Variants in TMEM9B observed in about 807,000 individuals in gnomAD.
TMEM9B encodes transmembrane protein 9B.
Under a neutral mutation model 23.5 loss-of-function variants are expected in TMEM9B, and 8 were observed. That is an observed-to-expected ratio of 0.34 (90% CI 0.20 to 0.61). The LOEUF is 0.61. TMEM9B is among the 20% of genes least tolerant of loss of function. The pLI is 0.78. For synonymous variants in TMEM9B, 106 were observed against 96.3 expected, an observed-to-expected ratio of 1.10 and a Z score of -0.59; for missense variants, 197 against 252.3, an observed-to-expected ratio of 0.78 and a Z score of 1.49.
Position 8,948,131 on chromosome 11 carries a change from T to G in TMEM9B, c.*189A>C, listed in dbSNP as rs937181522. 1 of 604,002 alleles carries G rather than the reference T, an allele frequency of 1.7e-6. No individual in the cohort carries two copies. The highest frequency in any genetic ancestry group is 1.9e-5 in the African/African-American group (1 of 53,946). 37.4% of individuals were successfully genotyped at this position (604,002 alleles called of 1,614,324 possible). A position where few individuals can be genotyped will look rare whatever the true frequency, so the allele number is the denominator to read the frequency against. On this transcript the variant is annotated 3_prime_UTR_variant, in exon 5 of 5. Coordinates refer to ENST00000534025, the MANE Select transcript of TMEM9B (RefSeq NM_020644.3). ...TATTGGCTGACTTTGAGCTGTGTGC[T>G]TTTAAAAATGTCTCTATTATTACGT...
chr11:8,964,107 G>A (rs1276854828), intron 1 of TMEM9B, 102 bp downstream of exon 1: 3 of 1,176,340 alleles, frequency 2.6e-6, no homozygotes, highest in East Asian at 5.4e-5. Flanking sequence ...CAGGCGTATG[G>A]CTGTCAGGAA....
rs2134881975 is a variant in TMEM9B at position 8,964,388 on chromosome 11, G to GGCTCAA, written c.-76_-75insTTGAGC. On this transcript the variant is annotated 5_prime_UTR_variant, in exon 1 of 5. Coordinates refer to ENST00000534025, the MANE Select transcript of TMEM9B (RefSeq NM_020644.3). ...CGGCTCGGGCTCAGGCTCAGGCTCAGGCTCAGGCACAGGCTTGGGACCCGG... is the reference window on the plus strand; with the variant it reads ...CGGCTCGGGCTCAGGCTCAGGCTCAGGCTCAAGCTCAGGCACAGGCTTGGGACCCGG... The GGCTCAA allele has an allele frequency of 3.3e-6, 5 of 1,520,224 alleles. No individual in the cohort carries two copies. Among genetic ancestry groups the GGCTCAA allele is most frequent in the Non-Finnish European group, 4.4e-6 (5 of 1,136,308 alleles). The allele number at this position is 1,520,224 out of a possible 1,614,324, so 94.2% of individuals were successfully genotyped here. A position where few individuals can be genotyped will look rare whatever the true frequency, so the allele number is the denominator to read the frequency against.
At chr11:8,963,750 T>C (rs2134880185) in intron 1 of TMEM9B, among the ~76,000 whole-genome samples, 1 of 152,196 alleles carries the variant, frequency 6.6e-6, no homozygotes, top group South Asian at 2.1e-4. Flanking sequence ...AGTCGGCCCT[T>C]GACAGGGAAG....
Position 8,957,041 on chromosome 11 carries a change from T to C in TMEM9B, c.198-743A>G, listed in dbSNP as rs1296555048. Among the ~76,000 whole-genome samples, 1 of 152,184 alleles carries C rather than the reference T, an allele frequency of 6.6e-6. No individual in the cohort carries two copies. The highest frequency in any genetic ancestry group is 2.4e-5 in the African/African-American group (1 of 41,444). ...AGCCAACATCATTCTTAACTGCCAG[T>C]GTGGTGTATGAATGACTAACCACGT... On this transcript the variant is annotated intron_variant, in intron 2 of 4. Transcript: ENST00000534025. The surrounding 1 kb of genome is among the most constrained non-coding windows in gnomAD (Gnocchi z 4.3).
intron 4 of TMEM9B, chr11:8,952,585 A>AT (rs1331593578): frequency 1.3e-5 from 2 of 154,970 alleles, no homozygotes; most frequent in African/African-American, 4.8e-5. Flanking sequence ...TAATGCTTTT[A>AT]TTTTTTGTAG....
intron 2 of TMEM9B, among the ~76,000 whole-genome samples, chr11:8,958,100 G>C (rs1419008975): frequency 7.2e-6 from 1 of 138,756 alleles, no homozygotes; most frequent in Non-Finnish European, 1.5e-5. Context: ...TGGAGGTTAC[G>C]GTCAGCCGAG....
intron 3 of TMEM9B, among the ~76,000 whole-genome samples, chr11:8,955,636 C>G (rs1167335698): frequency 6.6e-6 from 1 of 152,272 alleles, no homozygotes; most frequent in Admixed American, 6.5e-5. Context: ...TGCTGCTCAT[C>G]TGACAGGAGG....
In TMEM9B at chr11:8,953,111, G is replaced by A. The variant is rs765729260; in HGVS notation, c.441+92C>T. 1.4e-5 allele frequency: 21 copies of A among 1,506,592 alleles called. No homozygotes were observed. The South Asian group carries it at 2.0e-4, about 15-fold the overall frequency. 93.3% of individuals were successfully genotyped at this position (1,506,592 alleles called of 1,614,324 possible). A position where few individuals can be genotyped will look rare whatever the true frequency, so the allele number is the denominator to read the frequency against. On this transcript the variant is annotated intron_variant, in intron 4 of 4. Coordinates refer to ENST00000534025, the MANE Select transcript of TMEM9B (RefSeq NM_020644.3). ...TAGTTGAGGATCTGCTTCAGCACGT[G>A]AACATCTATATATGACTATTTTTCA... is the stretch of plus-strand genomic sequence containing the variant.
At chr11:8,963,115 G>A (rs545114332) in intron 1 of TMEM9B, among the ~76,000 whole-genome samples, 5 of 152,314 alleles carry the variant, frequency 3.3e-5, no homozygotes, top group Admixed American at 1.3e-4. Flanking sequence ...TAGTAAAGGA[G>A]ACTGAAAAAT....
At chr11:8,961,539 G>GGCCT (rs1854082455) in intron 2 of TMEM9B, among the ~76,000 whole-genome samples, 1 of 152,244 alleles carries the variant, frequency 6.6e-6, no homozygotes, top group South Asian at 2.1e-4. Context: ...AGTCATCACA[G>GGCCT]GCCTGCCTGA....
intron 4 of TMEM9B, among the ~76,000 whole-genome samples, chr11:8,949,096 C>T (rs1853829383): frequency 6.6e-6 from 1 of 152,314 alleles, no homozygotes; most frequent in Admixed American, 6.5e-5. Context: ...TTCCCCACTT[C>T]CCCAATGTGT....
At chr11:8,963,791 T>C (rs1854124645) in intron 1 of TMEM9B, among the ~76,000 whole-genome samples, 1 of 151,874 alleles carries the variant, frequency 6.6e-6, no homozygotes, top group South Asian at 2.1e-4. Flanking sequence ...CCTATCATTC[T>C]GGCTTGGGGC....
intron 4 of TMEM9B, among the ~76,000 whole-genome samples, chr11:8,949,500 T>C (rs1262159479): frequency 6.6e-6 from 1 of 152,264 alleles, no homozygotes; most frequent in African/African-American, 2.4e-5. Context: ...GTACCTCTTA[T>C]ACTAAACTTT....
rs1420412836 is a variant in TMEM9B at position 8,964,379 on chromosome 11, T to TCAGGCTCAGGCTCAGGCA, written c.-84_-67dup. ...ACCGGCTCCCGGCTCGGGCTCAGGC[T>TCAGGCTCAGGCTCAGGCA]CAGGCTCAGGCTCAGGCACAGGCTT... On this transcript the variant is annotated 5_prime_UTR_variant, in exon 1 of 5. Coordinates refer to ENST00000534025, the MANE Select transcript of TMEM9B (RefSeq NM_020644.3). The TCAGGCTCAGGCTCAGGCA allele has an allele frequency of 4.0e-6, 6 of 1,506,900 alleles. No homozygotes were observed. The African/African-American group carries it at 7.5e-5, about 19-fold the overall frequency. The allele number at this position is 1,506,900 out of a possible 1,614,324, so 93.3% of individuals were successfully genotyped here.
In TMEM9B at chr11:8,955,489, C is replaced by T. The variant is rs191752515; in HGVS notation, c.306+701G>A. Among the ~76,000 whole-genome samples, 26 of 152,010 alleles carry T rather than the reference C, an allele frequency of 1.7e-4. No individual in the cohort carries two copies. In the East Asian group the frequency reaches 1.7e-3, roughly 10 times the overall value. ...CTGAGCTTGTTTTCCTGCAACTAGA[C>T]GGTCCCATATGGGGGTGATGGGAGT... On this transcript the variant is annotated intron_variant, in intron 3 of 4. Transcript: ENST00000534025.
Position 8,964,385 on chromosome 11 carries a change from TCAGGCTCAGGCA to T in TMEM9B, c.-84_-73del. 7 of 1,514,806 alleles carry T rather than the reference TCAGGCTCAGGCA, an allele frequency of 4.6e-6. No individual in the cohort carries two copies. Among genetic ancestry groups the T allele is most frequent in the Middle Eastern group, 1.8e-4 (1 of 5,462 alleles). 93.8% of individuals were successfully genotyped at this position (1,514,806 alleles called of 1,614,324 possible). ...TCCCGGCTCGGGCTCAGGCTCAGGC[TCAGGCTCAGGCA>T]CAGGCTTGGGACCCGGCTGGGGATC... is the stretch of plus-strand genomic sequence containing the variant. On this transcript the variant is annotated 5_prime_UTR_variant, in exon 1 of 5. Coordinates refer to ENST00000534025, the MANE Select transcript of TMEM9B (RefSeq NM_020644.3).
rs376049098 is a variant in TMEM9B at position 8,963,254 on chromosome 11, T to C, written c.105+955A>G. Among the ~76,000 whole-genome samples, 102 of 152,308 alleles carry C rather than the reference T, an allele frequency of 6.7e-4. No homozygotes were observed. The South Asian group carries it at 8.5e-3, about 13-fold the overall frequency. ...GAGGTAGAGATGGTTTCAAAAAGAA[T>C]CTCTGAATCAAAAACATTTGCCTGC... is the stretch of plus-strand genomic sequence containing the variant. On this transcript the variant is annotated intron_variant, in intron 1 of 4. Coordinates refer to ENST00000534025, the MANE Select transcript of TMEM9B (RefSeq NM_020644.3).
In TMEM9B at chr11:8,948,544, A is replaced by C. The variant is rs1589942641; in HGVS notation, c.442-69T>G. ...TGTAAAACATAGACACACAACAGTG[A>C]CCAGCCCGCCACAGAAATAGGGGTA... On this transcript the variant is annotated intron_variant, in intron 4 of 4. Coordinates refer to ENST00000534025, the MANE Select transcript of TMEM9B (RefSeq NM_020644.3). 6 of 1,511,928 alleles carry C rather than the reference A, an allele frequency of 4.0e-6. No individual in the cohort carries two copies. In the East Asian group the frequency reaches 7.0e-5, roughly 18 times the overall value. 93.7% of individuals were successfully genotyped at this position (1,511,928 alleles called of 1,614,324 possible).
chr11:8,950,927 A>C (rs1224769211), intron 4 of TMEM9B, among the ~76,000 whole-genome samples: 1 of 152,232 alleles, frequency 6.6e-6, no homozygotes, highest in African/African-American at 2.4e-5. Flanking sequence ...CAGTTTTAAA[A>C]ATTAAAATTC....
Sources: allele counts gnomAD v4.1 joint callset (sites outside exome capture counted in the v4.1 genomes callset), GRCh38; gene constraint gnomAD v4.1.1; non-coding constraint Gnocchi (gnomAD v3.1); transcripts MANE v1.5; gene names NCBI Gene and HGNC (gene_info 2026-07-23, HGNC 2026-07-21).